The following FGF14 variants were observed in gnomAD, a reference collection of about 807,000 sequenced individuals.
FGF14 encodes fibroblast growth factor 14.
A neutral mutation model predicts 25.5 loss-of-function variants in FGF14; 5 were observed. The ratio of observed to expected loss-of-function variants is 0.20; its 90% CI spans 0.10 to 0.41. The LOEUF (loss-of-function observed/expected upper bound fraction) is 0.41. Among genes scored for constraint, FGF14 ranks in the 10% least tolerant of loss-of-function variants. The probability of loss-of-function intolerance (pLI) is 1.00; values close to 1 mark genes in which losing one functional copy is unlikely to be tolerated. For synonymous variants in FGF14, 138 were observed against 118.3 expected, an observed-to-expected ratio of 1.17 and a Z score of -1.08; for missense variants, 222 against 320.1, an observed-to-expected ratio of 0.69 and a Z score of 2.34.
At chr13:101,913,913 C>T (rs2033208524) in intron 1 of FGF14, among the ~76,000 whole-genome samples, 1 of 152,090 alleles carries the variant, frequency 6.6e-6, no homozygotes, top group Admixed American at 6.6e-5. Flanking sequence ...CAATGACTCT[C>T]TACCCCATGT....
At chr13:101,945,053 C>T (rs567333655) in intron 1 of FGF14, among the ~76,000 whole-genome samples, 10 of 152,178 alleles carry the variant, frequency 6.6e-5, no homozygotes, top group Non-Finnish European at 1.0e-4. Flanking sequence ...CGGTGGCTCA[C>T]GCCTGTAATC....
At chr13:101,883,767 A>G (rs2045839760) in intron 1 of FGF14, among the ~76,000 whole-genome samples, 1 of 152,072 alleles carries the variant, frequency 6.6e-6, no homozygotes, top group Non-Finnish European at 1.5e-5. Flanking sequence ...CTCACTTTAA[A>G]GATAAGAAAA....
At position 102,196,832 on chromosome 13, in the gene FGF14, C is replaced by G. The variant is rs145090784; in HGVS notation, c.208+204639G>C. 2.3e-3 allele frequency among the ~76,000 whole-genome samples: 345 copies of G among 152,276 alleles called. 1 individual carries two copies. The highest frequency in any genetic ancestry group is 7.7e-3 in the African/African-American group (319 of 41,556). On this transcript the variant is annotated intron_variant, in intron 1 of 4. Coordinates refer to the FGF14 transcript ENST00000376131. ...TGTACCGTTTGATCAACATCTACCC[C>G]CTTTCCATCCATCCCCCTTTGTCAG...
At chr13:101,981,343 A>G (rs961154405) in intron 1 of FGF14, among the ~76,000 whole-genome samples, 1 of 152,162 alleles carries the variant, frequency 6.6e-6, no homozygotes, top group African/African-American at 2.4e-5. Context: ...GTAAGGACAC[A>G]GCTAGAAGGT....
At chr13:102,161,222 A>C (rs2047607866) in intron 1 of FGF14, among the ~76,000 whole-genome samples, 1 of 152,168 alleles carries the variant, frequency 6.6e-6, no homozygotes, top group South Asian at 2.1e-4. Context: ...ACAACAAAAA[A>C]TAAATTAAGG....
chr13:102,067,492 A>G (rs2042951985), intron 1 of FGF14, among the ~76,000 whole-genome samples: 1 of 151,966 alleles, frequency 6.6e-6, no homozygotes, highest in African/African-American at 2.4e-5. Context: ...CACAAAAAAA[A>G]AGATCCACTT....
chr13:102,126,318 A>G (rs1366720662), intron 1 of FGF14, among the ~76,000 whole-genome samples: 1 of 152,190 alleles, frequency 6.6e-6, no homozygotes, highest in Non-Finnish European at 1.5e-5. Context: ...GAATCATACA[A>G]TATGTGTCCT....
Position 101,721,704 on chromosome 13 carries a change from C to CACA in FGF14, c.*1124_*1126dup. 1 of 152,230 alleles carries CACA rather than the reference C, an allele frequency of 6.6e-6. No individual in the cohort carries two copies. Among genetic ancestry groups the CACA allele is most frequent in the Non-Finnish European group, 1.5e-5 (1 of 68,008 alleles). 9.4% of individuals were successfully genotyped at this position (152,230 alleles called of 1,614,324 possible). A position where few individuals can be genotyped will look rare whatever the true frequency, so the allele number is the denominator to read the frequency against. On this transcript the variant is annotated 3_prime_UTR_variant, in exon 5 of 5. Coordinates refer to ENST00000376143, the MANE Select transcript of FGF14 (RefSeq NM_004115.4). ...TTTGCATTGCTGCTGCAGGAAAGAA[C>CACA]ACAACAGCCGTCTTGCCCATGCTCT...
chr13:102,159,947 C>A (rs9557824), intron 1 of FGF14, among the ~76,000 whole-genome samples: 27,970 of 152,098 alleles, frequency 0.18, 2,667 homozygotes, highest in East Asian at 0.35. Context: ...CCTAAATATG[C>A]TATGTCAAAT....
intron 1 of FGF14, chr13:102,367,984 G>T (rs748327462): frequency 6.6e-6 from 1 of 152,106 alleles, no homozygotes; most frequent in Non-Finnish European, 1.5e-5. Context: ...TTTTCCCTGC[G>T]GCAACAAGCA....
At chr13:102,136,154 AC>A (rs2046399566) in intron 1 of FGF14, among the ~76,000 whole-genome samples, 1 of 152,104 alleles carries the variant, frequency 6.6e-6, no homozygotes, top group Non-Finnish European at 1.5e-5. Flanking sequence ...ATGTCATTTT[AC>A]ACCTTAACAA....
At chr13:102,051,127 A>G (rs531439158) in intron 1 of FGF14, among the ~76,000 whole-genome samples, 10 of 152,174 alleles carry the variant, frequency 6.6e-5, no homozygotes, top group Admixed American at 2.6e-4. Flanking sequence ...CTCATGTCTC[A>G]GGCACATGGA....
chr13:102,253,528 G>A (rs1455997453), intron 1 of FGF14, among the ~76,000 whole-genome samples: 1 of 151,932 alleles, frequency 6.6e-6, no homozygotes, highest in Non-Finnish European at 1.5e-5. Context: ...TTTTTTTCCT[G>A]TAAATTTGTT....
At chr13:101,909,783 A>G (rs1354351892) in intron 1 of FGF14, among the ~76,000 whole-genome samples, 3 of 152,240 alleles carry the variant, frequency 2.0e-5, no homozygotes, top group African/African-American at 7.2e-5. Context: ...CTGTAAAGAC[A>G]CACGCACACA....
chr13:102,293,767 A>G, intron 1 of FGF14: 1 of 152,198 alleles, frequency 6.6e-6, no homozygotes, highest in Non-Finnish European at 1.5e-5. Flanking sequence ...TTGTTGCTGT[A>G]TAATAAGCAA....
At position 101,713,589 on chromosome 13, in the gene FGF14, C is replaced by A. The variant is rs2034579527; in HGVS notation, c.*9242G>T. The A allele has an allele frequency of 6.6e-6, 1 of 151,990 alleles. No homozygotes were observed. Among genetic ancestry groups the A allele is most frequent in the Non-Finnish European group, 1.5e-5 (1 of 67,988 alleles). The allele number at this position is 151,990 out of a possible 1,614,324, so 9.4% of individuals were successfully genotyped here. A position where few individuals can be genotyped will look rare whatever the true frequency, so the allele number is the denominator to read the frequency against. ...CCTGCTGTCGTTGAGGCAGTTTTTC[C>A]ATGTAAGGGTTTTTAGTCTGTCATG... is the stretch of plus-strand genomic sequence containing the variant. On this transcript the variant is annotated 3_prime_UTR_variant, in exon 5 of 5. Transcript: ENST00000376143.
intron 1 of FGF14, among the ~76,000 whole-genome samples, chr13:102,356,583 GATGGTCTA>G (rs2057422915): frequency 6.6e-6 from 1 of 152,158 alleles, no homozygotes; most frequent in South Asian, 2.1e-4. Context: ...CTAAAGATCT[GATGGTCTA>G]AGAGGCAGGA....
At position 101,726,711 on chromosome 13, in the gene FGF14, C is replaced by A. The variant is rs1169516650; in HGVS notation, c.508G>T (p.Ala170Ser). 1 of 1,613,324 alleles carries A rather than the reference C, an allele frequency of 6.2e-7. No individual in the cohort carries two copies. The highest frequency in any genetic ancestry group is 1.1e-5 in the South Asian group (1 of 91,062). The change falls in exon 4 of 5, where the codon GCC becomes TCC. Residue 170 changes from alanine to serine, a missense_variant. Ala to Ser is a moderately conservative substitution (Grantham distance 99). Around this residue, in one of 5 missense-constraint regions of FGF14, gnomAD observed 15 missense variants for 55.7 expected, o/e 0.27. Coordinates refer to ENST00000376143, the MANE Select transcript of FGF14 (RefSeq NM_004115.4). Reference sequence around the variant, plus strand: ...TCCTTATTTAATCCCAAAAACCAGGCTCTACCAGATTCCTGTTGTCTGTAC... The same window carrying A: ...TCCTTATTTAATCCCAAAAACCAGGATCTACCAGATTCCTGTTGTCTGTAC... Reference protein sequence around the residue: ...MLYRQQESGRAWFLGLNKEGQ... With the variant: ...MLYRQQESGRSWFLGLNKEGQ...
intron 1 of FGF14, among the ~76,000 whole-genome samples, chr13:102,321,360 T>C (rs1321987758): frequency 6.6e-6 from 1 of 152,332 alleles, no homozygotes; most frequent in East Asian, 1.9e-4. Flanking sequence ...ATGGAGTTAC[T>C]ATATAATTTG....
Sources: allele counts gnomAD v4.1 joint callset (sites outside exome capture counted in the v4.1 genomes callset), GRCh38; gene constraint gnomAD v4.1.1; regional missense constraint gnomAD v4.1.1; transcripts MANE v1.5; gene names NCBI Gene and HGNC (gene_info 2026-07-23, HGNC 2026-07-21).